SEMA5A: variants seen among roughly 807,000 people sequenced by gnomAD.
SEMA5A encodes the protein semaphorin-5A.
Under a neutral mutation model 135.5 loss-of-function variants are expected in SEMA5A, and 55 were observed. That is an observed-to-expected ratio of 0.41 (90% CI 0.33 to 0.51). SEMA5A has a LOEUF of 0.51. Ranked by LOEUF, SEMA5A falls within the 20% of genes least tolerant of loss-of-function variation. The pLI, the probability that SEMA5A is intolerant of heterozygous loss-of-function variation, is 0.37. For missense variants in SEMA5A, 1,290 were observed against 1,419.9 expected (o/e 0.91, Z 1.47); for synonymous variants, 580 against 546.5 (o/e 1.06, Z -0.85).
intron 1 of SEMA5A, among the ~76,000 whole-genome samples, chr5:9,473,382 G>GAAAAAAAAA (rs1561281495): frequency 5.6e-4 from 1 of 1,772 alleles, no homozygotes; most frequent in African/African-American, 1.9e-3. Context: ...GCAATCAGTG[G>GAAAAAAAAA]TAAAAAAAAA....
chr5:9,379,355 C>G (rs1045654508), intron 3 of SEMA5A, among the ~76,000 whole-genome samples: 1 of 152,116 alleles, frequency 6.6e-6, no homozygotes, highest in Non-Finnish European at 1.5e-5. Context: ...TTTAATCCTA[C>G]CAATCCATAG....
chr5:9,275,894 C>T (rs1314975364), intron 5 of SEMA5A, among the ~76,000 whole-genome samples: 2 of 151,744 alleles, frequency 1.3e-5, no homozygotes, highest in Non-Finnish European at 3.0e-5. Flanking sequence ...GGGCGAAAAA[C>T]TGGCACAAGA....
intron 6 of SEMA5A, among the ~76,000 whole-genome samples, chr5:9,228,485 T>TA (rs1268563002): frequency 1.1e-4 from 16 of 152,242 alleles, no homozygotes; most frequent in Non-Finnish European, 2.1e-4. Context: ...TGTGCCCAGG[T>TA]AGTGAGTTCA....
intron 5 of SEMA5A, among the ~76,000 whole-genome samples, chr5:9,317,054 T>C (rs1002196197): frequency 2.0e-5 from 3 of 152,200 alleles, no homozygotes; most frequent in African/African-American, 7.2e-5. Context: ...CTTGCAGTTT[T>C]GTCTTTCTGT....
chr5:9,272,761 A>C (rs1185522350), intron 5 of SEMA5A, among the ~76,000 whole-genome samples: 1 of 152,178 alleles, frequency 6.6e-6, no homozygotes, highest in Admixed American at 6.5e-5. Flanking sequence ...ACACGCCTGC[A>C]GAAGAGGGGC....
chr5:9,530,910 T>G (rs772475391), intron 1 of SEMA5A, among the ~76,000 whole-genome samples: 18 of 152,138 alleles, frequency 1.2e-4, no homozygotes, highest in African/African-American at 4.1e-4. Flanking sequence ...GAAGCCTCCT[T>G]AGAAGTGAGT....
chr5:9,171,717 A>T (rs986251917), intron 11 of SEMA5A, among the ~76,000 whole-genome samples: 17 of 152,084 alleles, frequency 1.1e-4, no homozygotes, highest in African/African-American at 3.9e-4. Context: ...GCTGAGAGGG[A>T]GCCGGGTTCC....
chr5:9,476,919 TAA>T (rs552785915), intron 1 of SEMA5A, among the ~76,000 whole-genome samples: 2 of 141,360 alleles, frequency 1.4e-5, no homozygotes, highest in African/African-American at 2.6e-5. Flanking sequence ...TTTACAAAAC[TAA>T]AAAAAAAAAA....
chr5:9,043,063 A>G lies in SEMA5A; in HGVS notation c.3106-47T>C, dbSNP rs781557534. 1.0e-5 allele frequency: 15 copies of G among 1,492,476 alleles called. No individual in the cohort carries two copies. The Admixed American group carries it at 1.1e-4, about 11-fold the overall frequency. The allele number at this position is 1,492,476 out of a possible 1,614,324, so 92.5% of individuals were successfully genotyped here. On this transcript the variant is annotated intron_variant, in intron 22 of 22. Transcript: ENST00000382496. Reference sequence around the variant, plus strand: ...AACAGGTTTAAGAATGCTGAGTAGCATTTCAGAAATAATATAACAAGGATG... The same window carrying G: ...AACAGGTTTAAGAATGCTGAGTAGCGTTTCAGAAATAATATAACAAGGATG...
At chr5:9,239,821 T>C (rs986281347) in intron 5 of SEMA5A, among the ~76,000 whole-genome samples, 6 of 152,074 alleles carry the variant, frequency 3.9e-5, no homozygotes, top group Non-Finnish European at 7.4e-5. Context: ...GTGGCTTTCA[T>C]TGGTCTAGTG....
intron 12 of SEMA5A, among the ~76,000 whole-genome samples, chr5:9,147,810 G>T (rs1475996941): frequency 1.3e-5 from 2 of 151,392 alleles, no homozygotes; most frequent in East Asian, 1.9e-4. Context: ...TTTCTGCAAA[G>T]GAATTTTATT....
intron 1 of SEMA5A, among the ~76,000 whole-genome samples, chr5:9,537,351 CTAAT>C (rs1737824930): frequency 6.6e-6 from 1 of 152,162 alleles, no homozygotes; most frequent in Non-Finnish European, 1.5e-5. Context: ...AACTGAATGG[CTAAT>C]TAGTTATCCT....
chr5:9,343,814 C>A (rs752049854), intron 3 of SEMA5A, among the ~76,000 whole-genome samples: 58 of 152,240 alleles, frequency 3.8e-4, no homozygotes, highest in Non-Finnish European at 6.8e-4. Context: ...CGTTACCAGG[C>A]CTGTTACTTC....
chr5:9,397,977 T>C (rs1452271026), intron 2 of SEMA5A, among the ~76,000 whole-genome samples: 1 of 152,172 alleles, frequency 6.6e-6, no homozygotes, highest in Non-Finnish European at 1.5e-5. Context: ...TCCCTGGAGC[T>C]TGGCATGTGA....
chr5:9,517,859 A>G (rs1411110336), intron 1 of SEMA5A: 1 of 152,212 alleles, frequency 6.6e-6, no homozygotes, highest in Non-Finnish European at 1.5e-5. Context: ...TAGAAAGAAA[A>G]AACACAGAAA....
intron 16 of SEMA5A, among the ~76,000 whole-genome samples, chr5:9,072,391 A>G (rs1405362510): frequency 6.6e-6 from 1 of 152,192 alleles, no homozygotes; most frequent in Non-Finnish European, 1.5e-5. Flanking sequence ...AAATGAACAC[A>G]CCAGTGATGT....
At chr5:9,418,129 A>G (rs1248051244) in intron 2 of SEMA5A, among the ~76,000 whole-genome samples, 1 of 151,972 alleles carries the variant, frequency 6.6e-6, no homozygotes, top group East Asian at 1.9e-4. Context: ...GGTGCCCGCT[A>G]CCATGCCCGG....
At chr5:9,426,601 A>T (rs1757671994) in intron 2 of SEMA5A, among the ~76,000 whole-genome samples, 2 of 152,178 alleles carry the variant, frequency 1.3e-5, no homozygotes, top group African/African-American at 4.8e-5. Flanking sequence ...ACCCAGGATT[A>T]GCTACACTCT....
chr5:9,096,449 TTC>T (rs973745270), intron 16 of SEMA5A, among the ~76,000 whole-genome samples: 3 of 152,156 alleles, frequency 2.0e-5, no homozygotes, highest in African/African-American at 7.2e-5. Flanking sequence ...AATGCACTAT[TTC>T]TCTTTCTTTG....
Sources: gnomAD v4.1 joint callset for allele counts (sites outside exome capture counted in the v4.1 genomes callset) on GRCh38, gnomAD v4.1.1 for gene constraint, MANE v1.5 for transcripts, NCBI Gene and HGNC (gene_info 2026-07-23, HGNC 2026-07-21) for gene names.